Variants in DLG2 observed in about 807,000 individuals in gnomAD.
DLG2 encodes disks large homolog 2.
In DLG2, 45 loss-of-function variants were observed where a neutral mutation model predicts 132.5. The ratio of observed to expected loss-of-function variants is 0.34; its 90% confidence interval spans 0.27 to 0.44. DLG2 has a LOEUF of 0.44. Among genes scored for constraint, DLG2 ranks in the 20% least tolerant of loss-of-function variants. The probability of loss-of-function intolerance (pLI) is 1.00; values close to 1 mark genes in which losing one functional copy is unlikely to be tolerated. For synonymous variants in DLG2, 424 were observed against 419.6 expected, an observed-to-expected ratio of 1.01 and a Z score of -0.13; for missense variants, 1,045 against 1,196.9, an observed-to-expected ratio of 0.87 and a Z score of 1.87.
intron 6 of DLG2, among the ~76,000 whole-genome samples, chr11:84,594,196 A>G (rs969423950): frequency 3.9e-5 from 6 of 152,304 alleles, no homozygotes; most frequent in African/African-American, 1.4e-4. Flanking sequence ...ATGCTGTAAC[A>G]AGCAATGATC....
intron 3 of DLG2, among the ~76,000 whole-genome samples, chr11:85,527,919 G>C (rs2153188277): frequency 6.6e-6 from 1 of 152,142 alleles, no homozygotes; most frequent in East Asian, 1.9e-4. Flanking sequence ...TCTCATTGTG[G>C]TTTTGATTTG....
intron 6 of DLG2, among the ~76,000 whole-genome samples, chr11:84,562,898 A>T (rs2099432509): frequency 6.6e-6 from 1 of 152,056 alleles, no homozygotes; most frequent in Non-Finnish European, 1.5e-5. Flanking sequence ...GACTACAGGC[A>T]TATGCCACTG....
At chr11:84,066,041 G>T (rs2096665760) in intron 10 of DLG2, among the ~76,000 whole-genome samples, 1 of 152,026 alleles carries the variant, frequency 6.6e-6, no homozygotes, top group Non-Finnish European at 1.5e-5. Context: ...CACAAAGAGG[G>T]GAACAACATT....
At chr11:84,312,874 A>G (rs940353740) in intron 7 of DLG2, among the ~76,000 whole-genome samples, 3 of 152,046 alleles carry the variant, frequency 2.0e-5, no homozygotes, top group Non-Finnish European at 2.9e-5. Context: ...CAATGGTGCA[A>G]TCTCGGCTCA....
At chr11:85,170,710 C>T (rs1000764199) in intron 4 of DLG2, among the ~76,000 whole-genome samples, 2 of 151,774 alleles carry the variant, frequency 1.3e-5, no homozygotes, top group Non-Finnish European at 2.9e-5. Flanking sequence ...GACAGCTGTA[C>T]GTAAAGAAAG....
chr11:84,701,227 C>A (rs985487101), intron 6 of DLG2, among the ~76,000 whole-genome samples: 1 of 151,600 alleles, frequency 6.6e-6, no homozygotes, highest in Middle Eastern at 3.4e-3. Flanking sequence ...TGCACAATTC[C>A]AGCAAGAGAG....
chr11:84,594,167 G>A (rs2099550670), intron 6 of DLG2, among the ~76,000 whole-genome samples: 1 of 152,118 alleles, frequency 6.6e-6, no homozygotes, highest in African/African-American at 2.4e-5. Context: ...ATGAAACATA[G>A]GGGAGGGAGG....
chr11:84,642,217 A>G (rs1446464901), intron 6 of DLG2, among the ~76,000 whole-genome samples: 1 of 151,066 alleles, frequency 6.6e-6, no homozygotes, highest in African/African-American at 2.4e-5. Context: ...CTCCTAAATT[A>G]CCACTAAAAT....
intron 6 of DLG2, among the ~76,000 whole-genome samples, chr11:84,861,554 G>C (rs2083631264): frequency 1.6e-5 from 2 of 126,436 alleles, no homozygotes; most frequent in African/African-American, 6.0e-5. Flanking sequence ...AACACCAAAA[G>C]CAATGGCAAT....
intron 3 of DLG2, among the ~76,000 whole-genome samples, chr11:85,578,633 C>G (rs2078311212): frequency 1.3e-5 from 2 of 152,226 alleles, no homozygotes; most frequent in African/African-American, 2.4e-5. Context: ...TAAAAAAAGG[C>G]TCAATGTCAC....
intron 7 of DLG2, among the ~76,000 whole-genome samples, chr11:84,369,326 A>C (rs959537432): frequency 1.3e-5 from 2 of 151,930 alleles, no homozygotes; most frequent in African/African-American, 4.8e-5. Context: ...CTGTCTCTTC[A>C]AAAAAAAGTA....
chr11:84,923,359 AT>A, intron 6 of DLG2: 1 of 1,179,538 alleles, frequency 8.5e-7, no homozygotes, highest in Non-Finnish European at 1.0e-6. Flanking sequence ...TTAGATGAGA[AT>A]TCAGCGTCTG....
At chr11:83,541,953 C>T in intron 19 of DLG2, 95 bp from the exon 20 acceptor site, 1 of 1,220,218 alleles carries the variant, frequency 8.2e-7, no homozygotes, top group Non-Finnish European at 1.1e-6. Flanking sequence ...CTCTGAGAAC[C>T]TATCATCACT....
intron 11 of DLG2, among the ~76,000 whole-genome samples, chr11:84,024,875 T>A (rs1441579760): frequency 6.6e-6 from 1 of 151,958 alleles, no homozygotes; most frequent in Non-Finnish European, 1.5e-5. Context: ...TAGACTATTG[T>A]ATATTTCAAA....
chr11:85,509,560 C>T (rs1474377681), intron 3 of DLG2, among the ~76,000 whole-genome samples: 7 of 152,066 alleles, frequency 4.6e-5, no homozygotes, highest in Non-Finnish European at 7.4e-5. Context: ...AAGACAAACA[C>T]ACGTTCTAGC....
At chr11:85,380,582 C>T (rs771279903) in intron 3 of DLG2, among the ~76,000 whole-genome samples, 2 of 152,250 alleles carry the variant, frequency 1.3e-5, no homozygotes, top group South Asian at 2.1e-4. Flanking sequence ...ATCCCTTGAA[C>T]CTAGGAGGCG....
intron 6 of DLG2, among the ~76,000 whole-genome samples, chr11:84,717,025 G>A (rs1295550976): frequency 6.6e-6 from 1 of 151,986 alleles, no homozygotes; most frequent in African/African-American, 2.4e-5. Flanking sequence ...GACGGACCCT[G>A]GAGATGGCTA....
intron 3 of DLG2, among the ~76,000 whole-genome samples, chr11:85,497,081 G>C (rs117787880): frequency 6.6e-6 from 1 of 152,066 alleles, no homozygotes; most frequent in Admixed American, 6.6e-5. Flanking sequence ...GAATGAGTTT[G>C]ATGAGTTGAC....
chr11:85,071,211 T>C (rs2065818418), intron 6 of DLG2, among the ~76,000 whole-genome samples: 1 of 151,840 alleles, frequency 6.6e-6, no homozygotes, highest in African/African-American at 2.4e-5. Context: ...TTTATAATAC[T>C]CTTTCCAGAC....
Sources: allele counts gnomAD v4.1 joint callset (sites outside exome capture counted in the v4.1 genomes callset), GRCh38; gene constraint gnomAD v4.1.1; transcripts MANE v1.5; gene names NCBI Gene and HGNC (gene_info 2026-07-23, HGNC 2026-07-21).